The following MRGBP variants were observed in gnomAD, a reference collection of about 807,000 sequenced individuals.
MRGBP encodes MRG domain binding protein.
A neutral mutation model predicts 21.5 loss-of-function variants in MRGBP; 5 were observed. The ratio of observed to expected loss-of-function variants is 0.23; its 90% CI spans 0.12 to 0.49. The LOEUF (loss-of-function observed/expected upper bound fraction) is 0.49. Ranked by LOEUF, MRGBP falls within the 20% of genes least tolerant of loss-of-function variation. MRGBP has a pLI of 0.98. For missense variants in MRGBP, 227 were observed against 277.4 expected, an observed-to-expected ratio of 0.82 and a Z score of 1.29; for synonymous variants, 118 against 104.4, an observed-to-expected ratio of 1.13 and a Z score of -0.79.
rs887733413 is a variant in MRGBP, at chr20:62,800,450, T to C, written c.*807T>C. 2.0e-5 allele frequency: 3 copies of C among 152,604 alleles called. No individual in the cohort carries two copies. Among genetic ancestry groups the C allele is most frequent in the Admixed American group, 2.0e-4 (3 of 15,302 alleles). The allele number at this position is 152,604 out of a possible 1,614,324, so 9.5% of individuals were successfully genotyped here. ...AGAGAATTTGTAGCGGTTATTTTTGTATGATCTAGTAACTTGCAAACAGAC... is the reference window on the plus strand; with the variant it reads ...AGAGAATTTGTAGCGGTTATTTTTGCATGATCTAGTAACTTGCAAACAGAC... On this transcript the variant is annotated 3_prime_UTR_variant, in exon 5 of 5. Transcript: ENST00000370487.
chr20:62,796,713 C>A lies in MRGBP; in HGVS notation c.148+42C>A, dbSNP rs746571590. ...CGGACGCGCGTGGGGGCGGGGCGGG[C>A]AACCGGCGGGGCGGGGCGGGGCCTG... On this transcript the variant is annotated intron_variant, in intron 1 of 4. Transcript: ENST00000370487. 81 of 1,246,020 alleles carry A rather than the reference C, an allele frequency of 6.5e-5. No homozygotes were observed. The Middle Eastern group carries it at 1.3e-3, about 19-fold the overall frequency. The allele number at this position is 1,246,020 out of a possible 1,614,324, so 77.2% of individuals were successfully genotyped here. A position where few individuals can be genotyped will look rare whatever the true frequency, so the allele number is the denominator to read the frequency against.
chr20:62,796,725 C>T, intron 1 of MRGBP, 54 bp downstream of exon 1: 4 of 1,214,618 alleles, frequency 3.3e-6, no homozygotes, highest in Non-Finnish European at 4.1e-6. Flanking sequence ...ACCGGCGGGG[C>T]GGGGCGGGGC....
rs1267541218 is a variant in MRGBP at position 62,801,398 on chromosome 20, C to G, written c.*1755C>G. 6.6e-6 allele frequency: 1 copy of G among 152,424 alleles called. No individual in the cohort carries two copies. The highest frequency in any genetic ancestry group is 2.4e-5 in the African/African-American group (1 of 41,472). The allele number at this position is 152,424 out of a possible 1,614,324, so 9.4% of individuals were successfully genotyped here. ...TTCCTCCACTCACAGCACAAATACT[C>G]AGCCCTGCAGCCAGGGAAGGGTGGG... On this transcript the variant is annotated 3_prime_UTR_variant, in exon 5 of 5. Coordinates refer to ENST00000370487, the MANE Select transcript of MRGBP (RefSeq NM_018270.6).
chr20:62,799,718 C>A lies in MRGBP; in HGVS notation c.*75C>A. 1 of 1,479,218 alleles carries A rather than the reference C, an allele frequency of 6.8e-7. No homozygotes were observed. The highest frequency in any genetic ancestry group is 1.3e-5 in the South Asian group (1 of 79,302). 91.6% of individuals were successfully genotyped at this position (1,479,218 alleles called of 1,614,324 possible). On this transcript the variant is annotated 3_prime_UTR_variant, in exon 5 of 5. Transcript: ENST00000370487. The stretch of plus-strand genomic sequence containing the variant: ...TGAGGGGGTTGGCTGGGTCTGAGTG[C>A]CACCCCCCAGGCCACAGTGATACCA...
chr20:62,797,087 C>G, intron 1 of MRGBP, 23 bp from the exon 2 acceptor site: 1 of 1,522,768 alleles, frequency 6.6e-7, no homozygotes, highest in Non-Finnish European at 8.9e-7. Context: ...CACCGGTTAT[C>G]CCGCCGCCCC....
chr20:62,796,916 ACCCCCG>A (rs1287012171), intron 1 of MRGBP, among the ~76,000 whole-genome samples, 188 bp from the exon 2 acceptor site: 3 of 47,904 alleles, frequency 6.3e-5, no homozygotes, highest in South Asian at 1.0e-3. Context: ...CCCCACCCCC[ACCCCCG>A]CCCCGGGACA....
At chr20:62,797,876 T>G (rs1990370029) in intron 2 of MRGBP, among the ~76,000 whole-genome samples, 1 of 151,868 alleles carries the variant, frequency 6.6e-6, no homozygotes, top group Admixed American at 6.6e-5. Context: ...AGGTGGTGGG[T>G]CCAGGAGCTC....
intron 3 of MRGBP, 119 bp downstream of exon 3, chr20:62,798,787 C>T: frequency 6.3e-7 from 1 of 1,580,328 alleles, no homozygotes; most frequent in Non-Finnish European, 8.6e-7. Flanking sequence ...AGCGCAGACC[C>T]CGCCCTACCT....
intron 2 of MRGBP, among the ~76,000 whole-genome samples, chr20:62,797,600 C>T (rs1402487156): frequency 6.6e-6 from 1 of 152,188 alleles, no homozygotes. Context: ...CCAGCTGAGA[C>T]CCTGGGGAGG....
intron 3 of MRGBP, 141 bp downstream of exon 3, chr20:62,798,809 G>A (rs1990391898): frequency 6.3e-7 from 1 of 1,575,028 alleles, no homozygotes. Flanking sequence ...TGCTTGGGTG[G>A]TCTTGGAACC....
chr20:62,799,646 C>T lies in MRGBP; in HGVS notation c.*3C>T, dbSNP rs1299545107. On this transcript the variant is annotated 3_prime_UTR_variant, in exon 5 of 5. Coordinates refer to ENST00000370487, the MANE Select transcript of MRGBP (RefSeq NM_018270.6). ...CTGCCAAGCGGCGCCGCACGTAGAC[C>T]CTCAGCCCTGGTGGCGGCAGAGAAG... 1.2e-6 allele frequency: 2 copies of T among 1,605,804 alleles called. No individual in the cohort carries two copies. The highest frequency in any genetic ancestry group is 2.2e-5 in the East Asian group (1 of 44,730).
Position 62,796,634 on chromosome 20 carries a change from GTGCCTCTTCCACGCCA to G in MRGBP, c.115_130del (p.Leu39TrpfsTer8). On this transcript the variant is annotated frameshift_variant, in exon 1 of 5. Coordinates refer to ENST00000370487, the MANE Select transcript of MRGBP (RefSeq NM_018270.6). LOFTEE classifies it high-confidence loss of function. Reference sequence around the variant, plus strand: ...TGGTGTGGAGCCCCGAGGTGGAGGTGTGCCTCTTCCACGCCATGCTGGGCCACAAGCCCGTCGGTGA... The same window carrying G: ...TGGTGTGGAGCCCCGAGGTGGAGGTGTGCTGGGCCACAAGCCCGTCGGTGA... The G allele has an allele frequency of 7.5e-7, 1 of 1,340,474 alleles. No homozygotes were observed. Among genetic ancestry groups the G allele is most frequent in the Non-Finnish European group, 9.6e-7 (1 of 1,042,182 alleles). 83.0% of individuals were successfully genotyped at this position (1,340,474 alleles called of 1,614,324 possible).
chr20:62,797,193 T>A lies in MRGBP; in HGVS notation c.232T>A (p.Trp78Arg). 2 of 1,604,176 alleles carry A rather than the reference T, an allele frequency of 1.2e-6. No individual in the cohort carries two copies. Among genetic ancestry groups the A allele is most frequent in the Non-Finnish European group, 1.7e-6 (2 of 1,176,558 alleles). ...GCGGCAGGTCCCATCCAAGGTCATC[T>A]GGGACCATCTGAGCACCATGTACGA... Reference protein sequence around the residue: ...IGRQVPSKVIWDHLSTMYDMQ... With the variant: ...IGRQVPSKVIRDHLSTMYDMQ... Residue 78 changes from tryptophan to arginine, a missense_variant, in exon 2 of 5, where the codon TGG becomes AGG. Trp to Arg is a moderately radical substitution (Grantham distance 101). Coordinates refer to ENST00000370487, the MANE Select transcript of MRGBP (RefSeq NM_018270.6).
chr20:62,798,296 C>G (rs1266819763), intron 2 of MRGBP, among the ~76,000 whole-genome samples: 2 of 152,188 alleles, frequency 1.3e-5, no homozygotes, highest in Admixed American at 1.3e-4. Context: ...CAGGGCTGCC[C>G]GGTCCTCAGG....
At chr20:62,797,035 C>T (rs1373852461) in intron 1 of MRGBP, 75 bp from the exon 2 acceptor site, 1 of 1,487,378 alleles carries the variant, frequency 6.7e-7, no homozygotes, top group African/African-American at 1.5e-5. Flanking sequence ...CCTCCAGTCC[C>T]CAGGGCAGCC....
intron 2 of MRGBP, 108 bp from the exon 3 acceptor site, chr20:62,798,479 T>G (rs1258596093): frequency 1.2e-6 from 1 of 865,754 alleles, no homozygotes; most frequent in Non-Finnish European, 1.9e-6. Context: ...AACACAGTGA[T>G]GTGTGCTCAT....
chr20:62,797,266 G>A, intron 2 of MRGBP, 35 bp downstream of exon 2: 2 of 1,520,750 alleles, frequency 1.3e-6, no homozygotes, highest in South Asian at 1.3e-5. Flanking sequence ...CCGCCCGATG[G>A]GGGCACGAAC....
In MRGBP at chr20:62,797,117, C is replaced by A; in HGVS notation, c.156C>A (p.Asn52Lys). 6.2e-7 allele frequency: 1 copy of A among 1,602,752 alleles called. No individual in the cohort carries two copies. Among genetic ancestry groups the A allele is most frequent in the Non-Finnish European group, 8.5e-7 (1 of 1,176,088 alleles). ...AMLGHKPVGV[N>K]RHFHMICIRD... Reference sequence around the variant, plus strand: ...CGCCCCTCCTCCCCTCAGGTGTGAACCGACACTTCCACATGATTTGTATTC... The same window carrying A: ...CGCCCCTCCTCCCCTCAGGTGTGAAACGACACTTCCACATGATTTGTATTC... The change falls in exon 2 of 5, where the codon AAC (asparagine) becomes AAA (lysine). Residue 52 changes from asparagine to lysine, a missense_variant. Asn to Lys is a moderately conservative substitution (Grantham distance 94). This residue lies in a region of MRGBP where 162 missense variants were observed against 227.7 expected (regional missense o/e 0.71). Coordinates refer to ENST00000370487, the MANE Select transcript of MRGBP (RefSeq NM_018270.6).
chr20:62,796,693 G>A, intron 1 of MRGBP, 22 bp downstream of exon 1: 1 of 1,268,906 alleles, frequency 7.9e-7, no homozygotes, highest in Non-Finnish European at 9.9e-7. Flanking sequence ...GGCTGCGGAC[G>A]CGCGTGGGGG....
Sources: allele counts gnomAD v4.1 joint callset (sites outside exome capture counted in the v4.1 genomes callset), GRCh38; gene constraint gnomAD v4.1.1; regional missense constraint gnomAD v4.1.1; transcripts MANE v1.5; gene names NCBI Gene and HGNC (gene_info 2026-07-23, HGNC 2026-07-21).